The following TBCK variants were observed in gnomAD, a reference collection of about 807,000 sequenced individuals.
The protein encoded by TBCK is TBC domain-containing protein kinase-like protein.
TBCK carries 99 observed loss-of-function variants against 113.4 expected under a neutral mutation model. The ratio of observed to expected loss-of-function variants is 0.87; its 90% CI spans 0.74 to 1.03. TBCK has a LOEUF of 1.03. Ranked by LOEUF, TBCK falls within the 50% of genes least tolerant of loss-of-function variation. The pLI is 0.00. For missense variants in TBCK, 1,045 were observed against 1,061.3 expected (o/e 0.98, Z 0.21); for synonymous variants, 369 against 370.8 (o/e 1.00, Z 0.05).
rs1746873529 is a variant in TBCK at position 106,138,929 on chromosome 4, T to C, written c.2236-22551A>G. ...AATACTGATCTGGAGTTTCAGTGAG[T>C]AGAGTCAGCTGGTGACAAGAGGTCA... On this transcript the variant is annotated intron_variant, in intron 23 of 25. Coordinates refer to ENST00000394708, the MANE Select transcript of TBCK (RefSeq NM_001163435.3). Among the ~76,000 whole-genome samples, 5 of 140,896 alleles carry C rather than the reference T, an allele frequency of 3.5e-5. 2 individuals carry two copies. In the South Asian group the frequency reaches 7.2e-4, roughly 20 times the overall value. The allele number at this position is 140,896 out of a possible 152,430, so 92.4% of individuals were successfully genotyped here.
chr4:106,084,848 G>A (rs529879260), intron 25 of TBCK, among the ~76,000 whole-genome samples: 9 of 152,212 alleles, frequency 5.9e-5, no homozygotes, highest in South Asian at 2.1e-4. Flanking sequence ...CTTCATAAGC[G>A]GAGGAGAGAT....
At chr4:106,217,561 C>T (rs1332780280) in intron 19 of TBCK, among the ~76,000 whole-genome samples, 2 of 151,864 alleles carry the variant, frequency 1.3e-5, no homozygotes, top group Middle Eastern at 3.2e-3. Flanking sequence ...ACAAGCATTC[C>T]TATACACCAA....
At chr4:106,104,962 C>A (rs1741968789) in intron 24 of TBCK, among the ~76,000 whole-genome samples, 1 of 152,212 alleles carries the variant, frequency 6.6e-6, no homozygotes, top group African/African-American at 2.4e-5. Context: ...CCTTACTGGG[C>A]AGATCCTCCA....
At chr4:106,121,514 C>A (rs200041056) in intron 23 of TBCK, among the ~76,000 whole-genome samples, 30,615 of 150,280 alleles carry the variant, frequency 0.2, 3,406 homozygotes, top group South Asian at 0.27. Context: ...CAGCTCTGCA[C>A]CAAGCAGACC....
chr4:106,160,374 A>T (rs377299392), intron 23 of TBCK, among the ~76,000 whole-genome samples: 1 of 151,966 alleles, frequency 6.6e-6, no homozygotes, highest in African/African-American at 2.4e-5. Context: ...TATATTTAAT[A>T]TGAGAATAAT....
At chr4:106,153,698 T>A (rs1482984958) in intron 23 of TBCK, among the ~76,000 whole-genome samples, 1 of 152,130 alleles carries the variant, frequency 6.6e-6, no homozygotes, top group Non-Finnish European at 1.5e-5. Context: ...ATGGGTTCCA[T>A]CTCTCTCTTT....
At chr4:106,075,612 G>A (rs921742609) in intron 25 of TBCK, among the ~76,000 whole-genome samples, 13 of 152,134 alleles carry the variant, frequency 8.5e-5, no homozygotes, top group Admixed American at 3.9e-4. Flanking sequence ...CATAGATGAC[G>A]TATTTAATTG....
intron 11 of TBCK, 149 bp from the exon 12 acceptor site, chr4:106,242,718 T>TTAA: frequency 2.1e-6 from 1 of 481,492 alleles, no homozygotes; most frequent in Non-Finnish European, 3.6e-6. Flanking sequence ...GTTTTTTTAA[T>TTAA]TATTATTATT....
At chr4:106,092,382 C>T (rs1420404628) in intron 25 of TBCK, among the ~76,000 whole-genome samples, 1 of 152,256 alleles carries the variant, frequency 6.6e-6, no homozygotes, top group Non-Finnish European at 1.5e-5. Context: ...GCCTGCCAGT[C>T]CCACACCGTG....
rs773178478 is a variant in TBCK, at chr4:106,295,169, G to C, written c.194-3C>G. The C allele has an allele frequency of 6.2e-6, 10 of 1,608,910 alleles. No individual in the cohort carries two copies. In the Admixed American group the frequency reaches 1.7e-4, roughly 28 times the overall value. The stretch of plus-strand genomic sequence containing the variant: ...TTCAGCCACGACCACTAGTCGTTCT[G>C]AGAAAAACAAAGCAAACCCATGTTA... On this transcript the variant is annotated splice_polypyrimidine_tract_variant and splice_region_variant and intron_variant, in intron 2 of 25. Transcript: ENST00000394708.
intron 25 of TBCK, among the ~76,000 whole-genome samples, chr4:106,072,031 G>C (rs562822296): frequency 3.9e-5 from 6 of 152,068 alleles, no homozygotes; most frequent in African/African-American, 1.4e-4. Flanking sequence ...AGCAGTGATG[G>C]GTATTGACTC....
At chr4:106,226,451 G>A (rs1368472959) in intron 19 of TBCK, among the ~76,000 whole-genome samples, 1 of 152,080 alleles carries the variant, frequency 6.6e-6, no homozygotes, top group Non-Finnish European at 1.5e-5. Context: ...TATAAGTCCT[G>A]TTTTTATTGC....
rs764787207 is a variant in TBCK, at chr4:106,251,931, G to T, written c.532C>A (p.Pro178Thr). The change falls in exon 6 of 26, where the codon CCA becomes ACA. Residue 178 changes from proline to threonine, a missense_variant. Coordinates refer to ENST00000394708, the MANE Select transcript of TBCK (RefSeq NM_001163435.3). ...TCTGATTTGGGGCCAGAAGGCAATG[G>T]TTTTTTACTTGGCATGTGATCAGTG... ...KTTDHMPSKK[P>T]LPSGPKSDVW... 6.2e-7 allele frequency: 1 copy of T among 1,611,612 alleles called. No homozygotes were observed. The highest frequency in any genetic ancestry group is 1.1e-5 in the South Asian group (1 of 90,720).
intron 23 of TBCK, among the ~76,000 whole-genome samples, chr4:106,162,960 C>G (rs1018512016): frequency 6.6e-6 from 1 of 152,102 alleles, no homozygotes; most frequent in African/African-American, 2.4e-5. Context: ...AATTTCTCCC[C>G]AGGAAATGGG....
At chr4:106,282,783 A>G (rs142120285) in intron 3 of TBCK, among the ~76,000 whole-genome samples, 192 of 152,280 alleles carry the variant, frequency 1.3e-3, no homozygotes, top group East Asian at 7.7e-3. Flanking sequence ...GAAACATACA[A>G]TCTTGGCAGA....
rs1388239877 is a variant in TBCK, at chr4:106,057,423, A to T, written c.2572-10743T>A. On this transcript the variant is annotated intron_variant, in intron 25 of 25. Coordinates refer to ENST00000394708, the MANE Select transcript of TBCK (RefSeq NM_001163435.3). ...CAAACGACTTTCCAAAATATAGCTG[A>T]TAGTGTCACTTTCCTTTTCTAAAAA... 2.0e-5 allele frequency among the ~76,000 whole-genome samples: 3 copies of T among 151,902 alleles called. No individual in the cohort carries two copies. In the South Asian group the frequency reaches 6.2e-4, roughly 31 times the overall value.
At chr4:106,227,691 T>C (rs1222240407) in intron 19 of TBCK, among the ~76,000 whole-genome samples, 1 of 151,976 alleles carries the variant, frequency 6.6e-6, no homozygotes, top group Admixed American at 6.6e-5. Context: ...GAATTATATA[T>C]AGTTAAAAAC....
At chr4:106,185,245 T>C (rs762697075) in intron 22 of TBCK, among the ~76,000 whole-genome samples, 1 of 152,186 alleles carries the variant, frequency 6.6e-6, no homozygotes, top group South Asian at 2.1e-4. Context: ...CACTCTGGTA[T>C]ATTATTTCTA....
chr4:106,054,339 C>T (rs1735153940), intron 25 of TBCK, among the ~76,000 whole-genome samples: 1 of 151,662 alleles, frequency 6.6e-6, no homozygotes, highest in Non-Finnish European at 1.5e-5. Flanking sequence ...TCTTTCTCTA[C>T]ATGACAATCA....
Sources: gnomAD v4.1 joint callset for allele counts (sites outside exome capture counted in the v4.1 genomes callset) on GRCh38, gnomAD v4.1.1 for gene constraint, MANE v1.5 for transcripts, NCBI Gene and HGNC (gene_info 2026-07-23, HGNC 2026-07-21) for gene names.